PTPRD: variants seen among roughly 807,000 people sequenced by gnomAD.
The protein encoded by PTPRD is protein tyrosine phosphatase receptor type D.
PTPRD carries 34 observed loss-of-function variants against 214.5 expected under a neutral mutation model. The observed-to-expected ratio is 0.16, with a 90% CI of 0.12 to 0.21. The LOEUF (loss-of-function observed/expected upper bound fraction) is 0.21, where lower values mean the gene tolerates loss of function less well. Ranked by LOEUF, PTPRD falls within the 10% of genes least tolerant of loss-of-function variation. The pLI, the probability that PTPRD is intolerant of heterozygous loss-of-function variation, is 1.00. For missense variants in PTPRD, 2,545 were observed against 2,398.7 expected (o/e 1.06, Z -1.27); for synonymous variants, 1,128 against 845.7 (o/e 1.33, Z -5.79).
chr9:10,585,680 C>G (rs1308205939), intron 2 of PTPRD, among the ~76,000 whole-genome samples: 1 of 151,812 alleles, frequency 6.6e-6, no homozygotes, highest in Non-Finnish European at 1.5e-5. Flanking sequence ...GGAATGCAAT[C>G]AAAGGAGCAT....
At chr9:8,685,405 G>C (rs139629233) in intron 12 of PTPRD, among the ~76,000 whole-genome samples, 7 of 152,112 alleles carry the variant, frequency 4.6e-5, no homozygotes, top group Non-Finnish European at 8.8e-5. Context: ...ACCAACAGAC[G>C]AGAGCTTAAA....
chr9:9,914,398 T>C (rs1237321288), intron 5 of PTPRD, among the ~76,000 whole-genome samples: 1 of 152,180 alleles, frequency 6.6e-6, no homozygotes, highest in Non-Finnish European at 1.5e-5. Flanking sequence ...GAGCTTCAGG[T>C]GTCCACCCCT....
chr9:8,623,811 C>G (rs1386700526), intron 14 of PTPRD, among the ~76,000 whole-genome samples: 1 of 150,666 alleles, frequency 6.6e-6, no homozygotes, highest in African/African-American at 2.5e-5. Flanking sequence ...GAACTCGGGT[C>G]TGTCTGTTTG....
intron 2 of PTPRD, among the ~76,000 whole-genome samples, chr9:10,345,264 C>G (rs1288262053): frequency 6.6e-6 from 1 of 151,982 alleles, no homozygotes; most frequent in African/African-American, 2.4e-5. Context: ...TTATAGTGAA[C>G]ATTTTTTCTT....
At chr9:9,445,041 AACAC>A (rs2089895638) in intron 8 of PTPRD, among the ~76,000 whole-genome samples, 1 of 152,146 alleles carries the variant, frequency 6.6e-6, no homozygotes, top group Non-Finnish European at 1.5e-5. Context: ...GTGAGCAACA[AACAC>A]ACAAATAAAT....
intron 8 of PTPRD, among the ~76,000 whole-genome samples, chr9:9,402,966 G>GCAAAAAAAAAAAACAA (rs770003250): frequency 1.3e-5 from 1 of 78,594 alleles, no homozygotes; most frequent in African/African-American, 5.1e-5. Context: ...CTAATAGGGA[G>GCAAAAAAAAAAAACAA]AAAAAAAAAA....
intron 10 of PTPRD, among the ~76,000 whole-genome samples, chr9:9,078,395 A>C (rs1325502725): frequency 1.3e-5 from 2 of 152,078 alleles, no homozygotes; most frequent in African/African-American, 2.4e-5. Flanking sequence ...TTTTGCAGTA[A>C]ATAATTAATG....
chr9:9,155,230 T>A (rs1470410565), intron 10 of PTPRD, among the ~76,000 whole-genome samples: 2 of 152,148 alleles, frequency 1.3e-5, no homozygotes, highest in Non-Finnish European at 2.9e-5. Flanking sequence ...AATGTAGAAA[T>A]CTAGTAACTA....
intron 3 of PTPRD, among the ~76,000 whole-genome samples, chr9:10,141,261 C>A (rs2098982833): frequency 6.6e-6 from 1 of 152,004 alleles, no homozygotes; most frequent in Non-Finnish European, 1.5e-5. Context: ...GGCAATTAGG[C>A]AGGAGAAGGA....
intron 10 of PTPRD, among the ~76,000 whole-genome samples, chr9:9,046,845 T>C (rs2099673418): frequency 6.6e-6 from 1 of 152,190 alleles, no homozygotes. Flanking sequence ...GCCTTTCTTC[T>C]AAGATCTGTA....
chr9:8,512,884 C>T (rs997329867), intron 21 of PTPRD, among the ~76,000 whole-genome samples: 1 of 151,968 alleles, frequency 6.6e-6, no homozygotes, highest in Non-Finnish European at 1.5e-5. Flanking sequence ...TGAGATTTAA[C>T]TTACTACTTC....
intron 10 of PTPRD, among the ~76,000 whole-genome samples, chr9:9,040,934 C>T (rs1181179089): frequency 2.0e-5 from 3 of 152,056 alleles, no homozygotes; most frequent in Non-Finnish European, 1.5e-5. Flanking sequence ...ACTGGTCCTA[C>T]CTTCTCACAC....
intron 10 of PTPRD, among the ~76,000 whole-genome samples, chr9:9,130,626 A>T (rs12350219): frequency 0.034 from 5,178 of 152,266 alleles, 193 homozygotes; most frequent in African/African-American, 0.076. Flanking sequence ...CTTACCTCAA[A>T]GTGAGGGGAA....
intron 6 of PTPRD, among the ~76,000 whole-genome samples, chr9:9,735,199 G>A (rs1018550307): frequency 5.3e-5 from 8 of 152,078 alleles, no homozygotes; most frequent in Non-Finnish European, 8.8e-5. Flanking sequence ...CACCTGCCAT[G>A]GGATGCAAAG....
chr9:9,535,602 A>AT (rs913476831), intron 8 of PTPRD, among the ~76,000 whole-genome samples: 1 of 151,920 alleles, frequency 6.6e-6, no homozygotes, highest in African/African-American at 2.4e-5. Flanking sequence ...TGGTGAAAAT[A>AT]TTTTTTTTCT....
intron 35 of PTPRD, among the ~76,000 whole-genome samples, chr9:8,426,074 A>AG (rs2094646383): frequency 6.6e-6 from 1 of 152,176 alleles, no homozygotes; most frequent in Admixed American, 6.5e-5. Context: ...AAATCACTTG[A>AG]GAAAAAAAAG....
chr9:9,724,037 T>C (rs552125390), intron 7 of PTPRD, among the ~76,000 whole-genome samples: 9 of 152,228 alleles, frequency 5.9e-5, no homozygotes, highest in African/African-American at 2.2e-4. Flanking sequence ...CAACGTTGAA[T>C]AGAAGTGGCC....
intron 6 of PTPRD, among the ~76,000 whole-genome samples, chr9:9,751,690 A>G (rs2098521508): frequency 1.3e-5 from 2 of 152,222 alleles, no homozygotes; most frequent in African/African-American, 4.8e-5. Flanking sequence ...CAGAGATTGG[A>G]ATGATATATC....
intron 2 of PTPRD, among the ~76,000 whole-genome samples, chr9:10,479,378 A>G (rs1331098225): frequency 6.6e-6 from 1 of 152,124 alleles, no homozygotes; most frequent in Non-Finnish European, 1.5e-5. Flanking sequence ...AGATGCTTGT[A>G]ATACATCATT....
Sources: allele counts gnomAD v4.1 joint callset (sites outside exome capture counted in the v4.1 genomes callset), GRCh38; gene constraint gnomAD v4.1.1; transcripts MANE v1.5; gene names NCBI Gene and HGNC (gene_info 2026-07-23, HGNC 2026-07-21).